The following FBXW4 variants were observed in gnomAD, a reference collection of about 807,000 sequenced individuals.
FBXW4 encodes the protein F-box and WD repeat domain containing 4.
Under a neutral mutation model 61.8 loss-of-function variants are expected in FBXW4, and 40 were observed. The observed-to-expected ratio is 0.65, with a 90% CI of 0.50 to 0.84. The LOEUF (loss-of-function observed/expected upper bound fraction) is 0.84, where lower values mean the gene tolerates loss of function less well. Among genes scored for constraint, FBXW4 ranks in the 40% least tolerant of loss-of-function variants. The pLI, the probability that FBXW4 is intolerant of heterozygous loss-of-function variation, is 0.00. For synonymous variants in FBXW4, 311 were observed against 313.8 expected, an observed-to-expected ratio of 0.99 and a Z score of 0.10; for missense variants, 672 against 753.8, an observed-to-expected ratio of 0.89 and a Z score of 1.27.
chr10:101,668,099 C>T (rs1384476869), intron 4 of FBXW4, 119 bp from the exon 5 acceptor site: 19 of 749,310 alleles, frequency 2.5e-5, no homozygotes, highest in Non-Finnish European at 4.2e-5. Flanking sequence ...ATGCCCTGCA[C>T]ACACAGAGCT....
intron 1 of FBXW4, among the ~76,000 whole-genome samples, chr10:101,682,221 A>G (rs1589781211): frequency 6.6e-6 from 1 of 152,272 alleles, no homozygotes; most frequent in South Asian, 2.1e-4. Context: ...CCAATATCAA[A>G]CATTTGTTAT....
chr10:101,614,477 T>C (rs2063811524), intron 6 of FBXW4, among the ~76,000 whole-genome samples: 1 of 151,918 alleles, frequency 6.6e-6, no homozygotes, highest in Non-Finnish European at 1.5e-5. Flanking sequence ...GTCATGGCCG[T>C]AAGTATCTGC....
At chr10:101,644,213 G>A (rs544757491) in intron 5 of FBXW4, among the ~76,000 whole-genome samples, 2 of 152,202 alleles carry the variant, frequency 1.3e-5, no homozygotes, top group South Asian at 2.1e-4. Context: ...ATGTGGGAAC[G>A]GTGAGCTGGA....
chr10:101,659,407 G>A, intron 5 of FBXW4: 1 of 985,422 alleles, frequency 1.0e-6, no homozygotes, highest in Non-Finnish European at 1.2e-6. Flanking sequence ...CCAAGGGAAA[G>A]GAAACTCTCA....
Position 101,611,000 on chromosome 10 carries a change from C to T in FBXW4, c.*291G>A, listed in dbSNP as rs2134791795. ...CTAATAAGGGGTATAGGATGGGCCT[C>T]TCCAGGCCAGATCCTTGCTCTGGCC... On this transcript the variant is annotated 3_prime_UTR_variant, in exon 9 of 9. Transcript: ENST00000331272. 2 of 299,870 alleles carry T rather than the reference C, an allele frequency of 6.7e-6. No individual in the cohort carries two copies. The highest frequency in any genetic ancestry group is 4.4e-5 in the South Asian group (1 of 22,932). 18.6% of individuals were successfully genotyped at this position (299,870 alleles called of 1,614,324 possible).
chr10:101,680,450 T>C (rs914587515), intron 1 of FBXW4, among the ~76,000 whole-genome samples: 4 of 152,210 alleles, frequency 2.6e-5, no homozygotes, highest in Non-Finnish European at 4.4e-5. Flanking sequence ...ACTGTAGATA[T>C]AAGTTTTCTC....
intron 1 of FBXW4, among the ~76,000 whole-genome samples, chr10:101,681,396 A>AT (rs1564925935): frequency 0.013 from 1,785 of 134,224 alleles, 22 homozygotes; most frequent in African/African-American, 0.035. Flanking sequence ...CTCAAAAAAA[A>AT]AAAATAATAA....
chr10:101,611,440 A>G lies in FBXW4; in HGVS notation c.1585-30T>C, dbSNP rs369647099. 52 of 1,606,722 alleles carry G rather than the reference A, an allele frequency of 3.2e-5. No individual in the cohort carries two copies. Among genetic ancestry groups the G allele is most frequent in the Non-Finnish European group, 4.3e-5 (50 of 1,176,152 alleles). On this transcript the variant is annotated intron_variant, in intron 8 of 8. Coordinates refer to ENST00000331272, the MANE Select transcript of FBXW4 (RefSeq NM_022039.4). This position sits in a 1 kb window ranked among gnomAD's most constrained non-coding sequence, Gnocchi z 4.9. ...AAGGGAGGGCACAGGAAGTGGTAAG[A>G]GCTTTCCAAGTGGGACATGGGTGTG... is the stretch of plus-strand genomic sequence containing the variant.
At chr10:101,656,739 G>A (rs753728282) in intron 5 of FBXW4, among the ~76,000 whole-genome samples, 3 of 152,150 alleles carry the variant, frequency 2.0e-5, no homozygotes, top group Non-Finnish European at 4.4e-5. Flanking sequence ...GCCCAGAGAC[G>A]AGCCTAAACA....
chr10:101,647,372 T>G (rs917495732), intron 5 of FBXW4, among the ~76,000 whole-genome samples: 1 of 152,096 alleles, frequency 6.6e-6, no homozygotes, highest in Non-Finnish European at 1.5e-5. Flanking sequence ...ACTTGCTGGG[T>G]AGTTCTTTGA....
intron 1 of FBXW4, 135 bp from the exon 2 acceptor site, chr10:101,676,571 A>G (rs1476555642): frequency 9.5e-6 from 6 of 629,208 alleles, no homozygotes; most frequent in Admixed American, 2.9e-5. Flanking sequence ...GGAAGGAGTA[A>G]CTGTTCTCTC....
intron 5 of FBXW4, chr10:101,626,297 A>C (rs1365159359): frequency 1.3e-5 from 2 of 152,698 alleles, no homozygotes; most frequent in Admixed American, 1.3e-4. Context: ...GAAGAACCAA[A>C]CTACAAAGTC....
At position 101,692,733 on chromosome 10, in the gene FBXW4, T is replaced by G. The variant is rs1319848813; in HGVS notation, c.725+1648A>C. ...TGCACTCCAGCCCGGGCAACAAGAG[T>G]GAAACTCCGTCTCAAAAAAAAAAAA... On this transcript the variant is annotated intron_variant, in intron 1 of 8. Coordinates refer to ENST00000331272, the MANE Select transcript of FBXW4 (RefSeq NM_022039.4). Among the ~76,000 whole-genome samples the G allele has an allele frequency of 7.6e-5, 7 of 91,858 alleles. No individual in the cohort carries two copies. In the Admixed American group the frequency reaches 1.2e-3, roughly 15 times the overall value. The allele number at this position is 91,858 out of a possible 152,430, so 60.3% of individuals were successfully genotyped here. A position where few individuals can be genotyped will look rare whatever the true frequency, so the allele number is the denominator to read the frequency against.
chr10:101,617,903 T>TG (rs2063838321), intron 6 of FBXW4, among the ~76,000 whole-genome samples: 1 of 151,870 alleles, frequency 6.6e-6, no homozygotes, highest in Non-Finnish European at 1.5e-5. Flanking sequence ...AAAAAGAGAA[T>TG]GAAAAAAAGC....
intron 5 of FBXW4, among the ~76,000 whole-genome samples, chr10:101,658,585 G>A (rs2064213469): frequency 6.6e-6 from 1 of 151,984 alleles, no homozygotes; most frequent in South Asian, 2.1e-4. Flanking sequence ...AAGAAAATGA[G>A]GAAGGTAAGA....
At chr10:101,679,649 T>C (rs1396146808) in intron 1 of FBXW4, among the ~76,000 whole-genome samples, 1 of 152,228 alleles carries the variant, frequency 6.6e-6, no homozygotes, top group Admixed American at 6.5e-5. Flanking sequence ...AAAACACCCA[T>C]AGTTAACTGT....
At chr10:101,621,631 A>G (rs2063867670) in intron 6 of FBXW4, among the ~76,000 whole-genome samples, 1 of 152,196 alleles carries the variant, frequency 6.6e-6, no homozygotes, top group African/African-American at 2.4e-5. Flanking sequence ...CCAAGGTGAC[A>G]GGCACTGTAT....
chr10:101,680,688 A>G (rs2064465833), intron 1 of FBXW4, among the ~76,000 whole-genome samples: 1 of 152,252 alleles, frequency 6.6e-6, no homozygotes, highest in East Asian at 1.9e-4. Flanking sequence ...TTAATTTGAT[A>G]TAAGAGTGTG....
rs117868339 is a variant in FBXW4, at chr10:101,684,764, C to T, written c.726-8328G>A. ...TGCATTAGCCTGAATCTTCCAATAG[C>T]TTCAGTAGCAGAGGTTTATAATTAA... On this transcript the variant is annotated intron_variant, in intron 1 of 8. Transcript: ENST00000331272. Among the ~76,000 whole-genome samples, 111 of 152,322 alleles carry T rather than the reference C, an allele frequency of 7.3e-4. 2 individuals are homozygous for T. The highest frequency in any genetic ancestry group is 5.8e-3 in the Admixed American group (88 of 15,294).
Sources: allele counts gnomAD v4.1 joint callset (sites outside exome capture counted in the v4.1 genomes callset), GRCh38; gene constraint gnomAD v4.1.1; non-coding constraint Gnocchi (gnomAD v3.1); transcripts MANE v1.5; gene names NCBI Gene and HGNC (gene_info 2026-07-23, HGNC 2026-07-21).